SRGAP1: variants seen among roughly 807,000 people sequenced by gnomAD.
The protein encoded by SRGAP1 is SLIT-ROBO Rho GTPase activating protein 1, also known as SLIT-ROBO Rho GTPase-activating protein 1.
In SRGAP1, 43 loss-of-function variants were observed where a neutral mutation model predicts 121.9. The ratio of observed to expected loss-of-function variants is 0.35; its 90% CI spans 0.28 to 0.46. SRGAP1 has a LOEUF of 0.46. SRGAP1 is among the 20% of genes least tolerant of loss of function. The pLI, the probability that SRGAP1 is intolerant of heterozygous loss-of-function variation, is 1.00. For missense variants in SRGAP1, 1,102 were observed against 1,350.9 expected (o/e 0.82, Z 2.89); for synonymous variants, 447 against 485.4 (o/e 0.92, Z 1.04).
intron 4 of SRGAP1, among the ~76,000 whole-genome samples, chr12:64,037,143 G>GTGCTGGGGGACAGCAGCTCAGGGACT (rs1471444878): frequency 1.6e-4 from 25 of 152,308 alleles, no homozygotes; most frequent in Non-Finnish European, 2.8e-4. Context: ...AAAGGAGGAG[G>GTGCTGGGGGACAGCAGCTCAGGGACT]TGCTGGGGGA....
At chr12:63,939,847 G>C (rs1352073255) in intron 1 of SRGAP1, among the ~76,000 whole-genome samples, 2 of 152,150 alleles carry the variant, frequency 1.3e-5, no homozygotes, top group African/African-American at 4.8e-5. Context: ...GAAATGGAGA[G>C]ATTGAACCTA....
At chr12:64,130,920 T>C (rs549580821) in intron 21 of SRGAP1, among the ~76,000 whole-genome samples, 2 of 152,314 alleles carry the variant, frequency 1.3e-5, no homozygotes, top group African/African-American at 4.8e-5. Flanking sequence ...GTAATCAACC[T>C]GCCACCAGGT....
chr12:63,894,259 C>G (rs968880389), intron 1 of SRGAP1, among the ~76,000 whole-genome samples: 1 of 152,062 alleles, frequency 6.6e-6, no homozygotes, highest in Non-Finnish European at 1.5e-5. Flanking sequence ...TTTGCTTTCA[C>G]CACACTTCAG....
At chr12:63,910,574 A>T (rs763041655) in intron 1 of SRGAP1, among the ~76,000 whole-genome samples, 2 of 152,214 alleles carry the variant, frequency 1.3e-5, no homozygotes, top group Non-Finnish European at 2.9e-5. Flanking sequence ...CAGTAATACT[A>T]GGTGTTTTGA....
intron 19 of SRGAP1, 90 bp from the exon 20 acceptor site, chr12:64,127,500 T>C: frequency 7.8e-7 from 1 of 1,290,196 alleles, no homozygotes; most frequent in Middle Eastern, 2.1e-4. Flanking sequence ...ATAAATGCTA[T>C]CACGTAAATT....
At chr12:63,885,521 A>C (rs892751235) in intron 1 of SRGAP1, among the ~76,000 whole-genome samples, 1 of 152,176 alleles carries the variant, frequency 6.6e-6, no homozygotes, top group Non-Finnish European at 1.5e-5. Flanking sequence ...AATGTGATTG[A>C]ACAAAAAGGG....
intron 1 of SRGAP1, among the ~76,000 whole-genome samples, chr12:63,943,056 G>A (rs1407427062): frequency 6.6e-6 from 1 of 152,172 alleles, no homozygotes; most frequent in African/African-American, 2.4e-5. Context: ...AGAAAGGGAA[G>A]CTCAGTGAGT....
At chr12:64,077,927 A>C (rs1250608935) in intron 8 of SRGAP1, among the ~76,000 whole-genome samples, 2 of 152,206 alleles carry the variant, frequency 1.3e-5, no homozygotes, top group Non-Finnish European at 2.9e-5. Context: ...CATAACTTAG[A>C]AAATGGAGCA....
intron 3 of SRGAP1, among the ~76,000 whole-genome samples, chr12:63,999,375 T>C (rs143288182): frequency 2.0e-4 from 30 of 151,928 alleles, no homozygotes; most frequent in African/African-American, 7.2e-4. Context: ...GTGCCTGGAG[T>C]GTGGAGAGTG....
rs1338609587 is a variant in SRGAP1 at position 64,145,356 on chromosome 12, G to C, written c.*2684G>C. The C allele has an allele frequency of 6.6e-6, 1 of 152,184 alleles. No individual in the cohort carries two copies. The highest frequency in any genetic ancestry group is 1.5e-5 in the Non-Finnish European group (1 of 68,126). The allele number at this position is 152,184 out of a possible 1,614,324, so 9.4% of individuals were successfully genotyped here. A position where few individuals can be genotyped will look rare whatever the true frequency, so the allele number is the denominator to read the frequency against. ...ATCCTCCCCAGCGGCTCCTCTCTCT[G>C]ATGTGTCCACCTACGGTGGAACGAG... On this transcript the variant is annotated 3_prime_UTR_variant, in exon 22 of 22. Coordinates refer to ENST00000355086, the MANE Select transcript of SRGAP1 (RefSeq NM_020762.4).
At chr12:64,041,080 A>G (rs1278283895) in intron 4 of SRGAP1, among the ~76,000 whole-genome samples, 1 of 152,124 alleles carries the variant, frequency 6.6e-6, no homozygotes, top group African/African-American at 2.4e-5. Flanking sequence ...TACATATATC[A>G]TTTCTAAGAG....
At chr12:63,889,435 A>T (rs1277275143) in intron 1 of SRGAP1, among the ~76,000 whole-genome samples, 1 of 152,146 alleles carries the variant, frequency 6.6e-6, no homozygotes, top group Non-Finnish European at 1.5e-5. Context: ...ACTCAAGTAG[A>T]TTTGAAAACA....
In SRGAP1 at chr12:64,046,511, G is replaced by A. The variant is rs73130139; in HGVS notation, c.801+2936G>A. 8.4e-3 allele frequency among the ~76,000 whole-genome samples: 1,278 copies of A among 152,238 alleles called. 10 individuals carry two copies. Among genetic ancestry groups the A allele is most frequent in the South Asian group, 0.017 (80 of 4,822 alleles). ...AGTGATAGACCTACACAAGTGGTAG[G>A]ATCAAAACAGATTGAAGCTAGAGCT... On this transcript the variant is annotated intron_variant, in intron 6 of 21. Transcript: ENST00000355086.
rs1349215117 is a variant in SRGAP1, at chr12:64,087,077, C to T, written c.1436+51C>T. On this transcript the variant is annotated intron_variant, in intron 11 of 21. Transcript: ENST00000355086. Reference sequence around the variant, plus strand: ...ATAGCGTATTTTACTTTCTCTTTAACAAGAAGCAACCATTTCAATGCTGAA... The same window carrying T: ...ATAGCGTATTTTACTTTCTCTTTAATAAGAAGCAACCATTTCAATGCTGAA... 8.1e-6 allele frequency: 11 copies of T among 1,358,926 alleles called. No individual in the cohort carries two copies. The African/African-American group carries it at 1.3e-4, about 16-fold the overall frequency. 84.2% of individuals were successfully genotyped at this position (1,358,926 alleles called of 1,614,324 possible).
Position 63,967,659 on chromosome 12 carries a change from A to T in SRGAP1, c.68-16288A>T, listed in dbSNP as rs73317356. Among the ~76,000 whole-genome samples the T allele has an allele frequency of 2.6e-3, 396 of 152,252 alleles. 1 individual carries two copies. Among genetic ancestry groups the T allele is most frequent in the African/African-American group, 9.1e-3 (377 of 41,558 alleles). ...ATTTGACCCCTGGATTCTTTGTAGG[A>T]CTAAGTGATGTTTAAGCCTTGTTGT... On this transcript the variant is annotated intron_variant, in intron 1 of 21. Transcript: ENST00000355086.
intron 3 of SRGAP1, among the ~76,000 whole-genome samples, chr12:64,015,330 G>A (rs1027806684): frequency 7.9e-5 from 12 of 152,132 alleles, no homozygotes; most frequent in Non-Finnish European, 1.0e-4. Flanking sequence ...ATGAGTTTCA[G>A]TTGACTTCAT....
chr12:64,135,795 G>C lies in SRGAP1; in HGVS notation c.2881-6500G>C, dbSNP rs1272535659. 2.6e-5 allele frequency among the ~76,000 whole-genome samples: 4 copies of C among 152,262 alleles called. 2 individuals are homozygous for C. Among genetic ancestry groups the C allele is most frequent in the Admixed American group, 2.6e-4 (4 of 15,294 alleles). On this transcript the variant is annotated intron_variant, in intron 21 of 21. Coordinates refer to ENST00000355086, the MANE Select transcript of SRGAP1 (RefSeq NM_020762.4). ...AGAACCACTCCTGGTACCAAAACCT[G>C]TATTAGTCAGGGCTCTCTGGAGGTA... is the stretch of plus-strand genomic sequence containing the variant.
At chr12:64,025,144 C>T (rs1287112765) in intron 4 of SRGAP1, among the ~76,000 whole-genome samples, 1 of 124,392 alleles carries the variant, frequency 8.0e-6, no homozygotes, top group Non-Finnish European at 1.7e-5. Context: ...CTCTTTAAAA[C>T]GTTTAAATAA....
At chr12:63,861,539 T>A (rs2136267041) in intron 1 of SRGAP1, among the ~76,000 whole-genome samples, 1 of 152,188 alleles carries the variant, frequency 6.6e-6, no homozygotes, top group East Asian at 1.9e-4. Flanking sequence ...CCTCAAGTGA[T>A]CTGCCTGCCT....
Sources: allele counts gnomAD v4.1 joint callset (sites outside exome capture counted in the v4.1 genomes callset), GRCh38; gene constraint gnomAD v4.1.1; transcripts MANE v1.5; gene names NCBI Gene and HGNC (gene_info 2026-07-23, HGNC 2026-07-21).